EPHA5: variants seen among roughly 807,000 people sequenced by gnomAD.
EPHA5 encodes the protein EPH receptor A5.
A neutral mutation model predicts 105.0 loss-of-function variants in EPHA5; 60 were observed. That is an observed-to-expected ratio of 0.57 (90% confidence interval 0.46 to 0.71). The LOEUF is 0.71. EPHA5 is among the 30% of genes least tolerant of loss of function. EPHA5 has a pLI of 0.00. For missense variants in EPHA5, 1,218 were observed against 1,274.7 expected (o/e 0.96, Z 0.68); for synonymous variants, 513 against 449.1 (o/e 1.14, Z -1.80).
At chr4:65,660,261 G>T (rs1749443847) in intron 1 of EPHA5, among the ~76,000 whole-genome samples, 1 of 152,078 alleles carries the variant, frequency 6.6e-6, no homozygotes, top group African/African-American at 2.4e-5. Flanking sequence ...TGTACTGATG[G>T]TTTCCATTTA....
At position 65,457,891 on chromosome 4, in the gene EPHA5, G is replaced by C. The variant is rs554438402; in HGVS notation, c.1402+32486C>G. On this transcript the variant is annotated intron_variant, in intron 5 of 16. Transcript: ENST00000613740. The stretch of plus-strand genomic sequence containing the variant: ...AATAACTTTTTTTCCTAGCTAACAG[G>C]GTGAAACCCCGTCTCCACTAAAAAT... 2.0e-5 allele frequency among the ~76,000 whole-genome samples: 3 copies of C among 151,430 alleles called. No individual in the cohort carries two copies. In the South Asian group the frequency reaches 6.3e-4, roughly 32 times the overall value.
chr4:65,595,431 A>T (rs2149424589), intron 3 of EPHA5, among the ~76,000 whole-genome samples: 2 of 152,240 alleles, frequency 1.3e-5, no homozygotes, highest in South Asian at 4.1e-4. Flanking sequence ...TAAAACGTAC[A>T]TAGTTTTATT....
intron 1 of EPHA5, among the ~76,000 whole-genome samples, chr4:65,647,092 G>C (rs1448574009): frequency 1.3e-5 from 2 of 152,014 alleles, no homozygotes; most frequent in African/African-American, 4.8e-5. Context: ...ACTTTGGGAG[G>C]CTGAGGCGGG....
At chr4:65,340,305 C>T (rs1262824440) in intron 14 of EPHA5, among the ~76,000 whole-genome samples, 1 of 152,128 alleles carries the variant, frequency 6.6e-6, no homozygotes, top group Non-Finnish European at 1.5e-5. Flanking sequence ...TCAGAGACTT[C>T]TGTGTTGTGC....
intron 8 of EPHA5, among the ~76,000 whole-genome samples, chr4:65,373,779 T>C (rs998407188): frequency 6.6e-6 from 1 of 151,896 alleles, no homozygotes; most frequent in African/African-American, 2.4e-5. Context: ...ACATCTCTAT[T>C]TTCAAAATAG....
intron 8 of EPHA5, among the ~76,000 whole-genome samples, chr4:65,385,090 A>G (rs1719952144): frequency 6.6e-6 from 1 of 151,880 alleles, no homozygotes; most frequent in Non-Finnish European, 1.5e-5. Context: ...AAGCAAATAA[A>G]GTTGCAAATA....
chr4:65,414,005 TAGAA>T (rs1315600594), intron 7 of EPHA5, among the ~76,000 whole-genome samples: 1 of 152,162 alleles, frequency 6.6e-6, no homozygotes, highest in Non-Finnish European at 1.5e-5. Context: ...ATGGCAGCAG[TAGAA>T]AGAAAGTCTT....
At chr4:65,603,736 C>T (rs1258788528) in intron 2 of EPHA5, among the ~76,000 whole-genome samples, 1 of 152,056 alleles carries the variant, frequency 6.6e-6, no homozygotes, top group African/African-American at 2.4e-5. Context: ...CAAACAATTT[C>T]CATATATGTT....
rs1176279136 is a variant in EPHA5, at chr4:65,495,478, T to C, written c.976A>G (p.Ser326Gly). ...IQSCGKCPPH[S>G]YTHEEASTSC... is the part of the protein sequence containing the mutation. ...GTTGAAGCTTCCTCATGGGTATAAC[T>C]GTGAGGTGGACATTTGCCGCAGCTC... The change falls in exon 4 of 17, where the codon AGT (serine) becomes GGT (glycine). Residue 326 changes from serine (S) to glycine (G), a missense_variant. Transcript: ENST00000613740. 1.1e-5 allele frequency: 18 copies of C among 1,613,698 alleles called. No homozygotes were observed. Among genetic ancestry groups the C allele is most frequent in the Non-Finnish European group, 1.4e-5 (16 of 1,179,688 alleles).
chr4:65,537,522 T>A (rs12500952), intron 3 of EPHA5, among the ~76,000 whole-genome samples: 32,903 of 151,580 alleles, frequency 0.22, 4,415 homozygotes, highest in Middle Eastern at 0.35. Context: ...CAGGGTTAAG[T>A]CAACAGTTTA....
intron 4 of EPHA5, 142 bp from the exon 5 acceptor site, chr4:65,490,854 A>G (rs1361533035): frequency 4.2e-5 from 38 of 915,548 alleles, no homozygotes; most frequent in Middle Eastern, 3.4e-4. Flanking sequence ...TTGTTTTCAT[A>G]ATTTTGTAGG....
At chr4:65,458,073 C>A (rs1280146161) in intron 5 of EPHA5, among the ~76,000 whole-genome samples, 2 of 72,578 alleles carry the variant, frequency 2.8e-5, no homozygotes, top group Non-Finnish European at 4.9e-5. Flanking sequence ...CACTCCATCC[C>A]AAAAAAAAAA....
intron 1 of EPHA5, among the ~76,000 whole-genome samples, chr4:65,645,578 A>G (rs1478151479): frequency 6.6e-6 from 1 of 151,812 alleles, no homozygotes; most frequent in Non-Finnish European, 1.5e-5. Flanking sequence ...AGTTAACTGC[A>G]CTTGAATTAG....
intron 5 of EPHA5, among the ~76,000 whole-genome samples, chr4:65,485,490 G>A (rs1730793718): frequency 2.6e-5 from 4 of 152,068 alleles, no homozygotes. Context: ...TTTGTAGCTT[G>A]ATTATTACAT....
intron 8 of EPHA5, among the ~76,000 whole-genome samples, chr4:65,373,256 A>G (rs994897965): frequency 6.6e-6 from 1 of 151,836 alleles, no homozygotes; most frequent in Non-Finnish European, 1.5e-5. Flanking sequence ...CAAGCCTTCC[A>G]TTGAAATTTA....
intron 5 of EPHA5, among the ~76,000 whole-genome samples, chr4:65,486,789 G>A (rs1006025819): frequency 6.6e-6 from 1 of 152,212 alleles, no homozygotes; most frequent in African/African-American, 2.4e-5. Context: ...AACCACCTTT[G>A]CAGAGATTAT....
chr4:65,581,824 C>T (rs1741655996), intron 3 of EPHA5, among the ~76,000 whole-genome samples: 1 of 151,716 alleles, frequency 6.6e-6, no homozygotes, highest in Non-Finnish European at 1.5e-5. Flanking sequence ...ATGCTAAAGT[C>T]ATGAAGTAAC....
intron 11 of EPHA5, among the ~76,000 whole-genome samples, chr4:65,362,872 A>G (rs1296338818): frequency 6.6e-6 from 1 of 151,694 alleles, no homozygotes; most frequent in Non-Finnish European, 1.5e-5. Flanking sequence ...TTTTTTAGCT[A>G]GAGAGCTGAA....
chr4:65,509,897 A>G (rs1733431308), intron 3 of EPHA5, among the ~76,000 whole-genome samples: 2 of 152,306 alleles, frequency 1.3e-5, no homozygotes, highest in African/African-American at 4.8e-5. Context: ...TAAATTCTTA[A>G]AAGCACTAAG....
Sources: allele counts gnomAD v4.1 joint callset (sites outside exome capture counted in the v4.1 genomes callset), GRCh38; gene constraint gnomAD v4.1.1; transcripts MANE v1.5; gene names NCBI Gene and HGNC (gene_info 2026-07-23, HGNC 2026-07-21).